TNXB: variants seen among roughly 807,000 people sequenced by gnomAD.
TNXB encodes the protein tenascin-X.
In TNXB, 183 loss-of-function variants were observed where a neutral mutation model predicts 340.5. The ratio of observed to expected loss-of-function variants is 0.54; its 90% CI spans 0.48 to 0.61. The LOEUF is 0.61. Ranked by LOEUF, TNXB falls within the 20% of genes least tolerant of loss-of-function variation. TNXB has a pLI of 0.00. For missense variants in TNXB, 4,613 were observed against 5,446.4 expected, an observed-to-expected ratio of 0.85 and a Z score of 4.82; for synonymous variants, 2,121 against 2,314.5, an observed-to-expected ratio of 0.92 and a Z score of 2.40.
Position 32,062,052 on chromosome 6 carries a change from C to T in TNXB, c.7168+105G>A. The T allele has an allele frequency of 7.2e-7, 1 of 1,384,304 alleles. No homozygotes were observed. The highest frequency in any genetic ancestry group is 9.8e-7 in the Non-Finnish European group (1 of 1,020,276). 85.8% of individuals were successfully genotyped at this position (1,384,304 alleles called of 1,614,324 possible). On this transcript the variant is annotated intron_variant, in intron 20 of 43. Coordinates refer to ENST00000644971, the MANE Select transcript of TNXB (RefSeq NM_001365276.2). This position sits in a 1 kb window ranked among gnomAD's most constrained non-coding sequence, Gnocchi z 4.3. ...GCCCCAGCCCCAGCCACAAGTAGGTCTGTGGTGCTGACCAGACCCGTCCCA... is the reference window on the plus strand; with the variant it reads ...GCCCCAGCCCCAGCCACAAGTAGGTTTGTGGTGCTGACCAGACCCGTCCCA...
In TNXB at chr6:32,049,839, G is replaced by A. The variant is rs532955918; in HGVS notation, c.9439+159C>T. ...CCTCCCTGCTCAGGGGGAGCCAGGG[G>A]TCAACCACATAGGAAGGCCCAAGGG... On this transcript the variant is annotated intron_variant, in intron 27 of 43. Coordinates refer to ENST00000644971, the MANE Select transcript of TNXB (RefSeq NM_001365276.2). This position sits in a 1 kb window ranked among gnomAD's most constrained non-coding sequence, Gnocchi z 4.5. Among the ~76,000 whole-genome samples, 149 of 152,246 alleles carry A rather than the reference G, an allele frequency of 9.8e-4. 2 individuals are homozygous for A. In the South Asian group the frequency reaches 0.029, roughly 29 times the overall value.
rs1776831556 is a variant in TNXB at position 32,045,877 on chromosome 6, G to A, written c.10606+298C>T. The stretch of plus-strand genomic sequence containing the variant: ...TATCTGGACAAGGCCACCCTTCGGG[G>A]AGGCGACAGCAGCCCCAGCGAGTAA... On this transcript the variant is annotated intron_variant, in intron 31 of 43. Transcript: ENST00000644971. 4 of 1,177,304 alleles carry A rather than the reference G, an allele frequency of 3.4e-6. No individual in the cohort carries two copies. The African/African-American group carries it at 6.2e-5, about 18-fold the overall frequency. The allele number at this position is 1,177,304 out of a possible 1,614,324, so 72.9% of individuals were successfully genotyped here.
Position 32,046,314 on chromosome 6 carries a change from C to T in TNXB, c.10467G>A (p.Gln3489=). 1 of 1,606,718 alleles carries T rather than the reference C, an allele frequency of 6.2e-7. No homozygotes were observed. The highest frequency in any genetic ancestry group is 8.5e-7 in the Non-Finnish European group (1 of 1,178,154). The change falls in exon 31 of 44, where the codon CAG becomes CAA. Residue 3489 remains glutamine, a synonymous_variant. Transcript: ENST00000644971. This position sits in a 1 kb window ranked among gnomAD's most constrained non-coding sequence, Gnocchi z 6.9. The part of the protein sequence containing the change: ...FVVQYRDTDG[Q]PRAVPVAADQ... ...CTGCGGCCACAGGCACTGCCCTGGG[C>T]TGCCCGTCCGTGTCCCTGTACTGGA...
chr6:32,086,395 C>T (rs1779776898), intron 6 of TNXB, among the ~76,000 whole-genome samples: 1 of 152,184 alleles, frequency 6.6e-6, no homozygotes, highest in East Asian at 1.9e-4. Flanking sequence ...TGACCTCCAG[C>T]CCCCGGAGAC....
Position 32,074,949 on chromosome 6 carries a change from G to T in TNXB, c.4376-997C>A, listed in dbSNP as rs1239578189. Among the ~76,000 whole-genome samples the T allele has an allele frequency of 6.6e-6, 1 of 152,198 alleles. No homozygotes were observed. Among genetic ancestry groups the T allele is most frequent in the African/African-American group, 2.4e-5 (1 of 41,444 alleles). ...CCCGCCTCGGCCTCCCCAAGTGCTG[G>T]GATTACAGGCATGATCCTCCACGCC... On this transcript the variant is annotated intron_variant, in intron 11 of 43. Transcript: ENST00000644971. This position sits in a 1 kb window ranked among gnomAD's most constrained non-coding sequence, Gnocchi z 5.5.
Position 32,042,289 on chromosome 6 carries a change from T to C in TNXB, c.12284A>G (p.Asn4095Ser), listed in dbSNP as rs1776472502. The C allele has an allele frequency of 7.0e-7, 1 of 1,426,456 alleles. No homozygotes were observed. The highest frequency in any genetic ancestry group is 2.4e-5 in the East Asian group (1 of 42,532). The allele number at this position is 1,426,456 out of a possible 1,614,324, so 88.4% of individuals were successfully genotyped here. A position where few individuals can be genotyped will look rare whatever the true frequency, so the allele number is the denominator to read the frequency against. The change falls in exon 41 of 44, where the codon AAC (asparagine) becomes AGC (serine). Residue 4095 changes from asparagine to serine, a missense_variant. This residue lies in a region of TNXB where 121 missense variants were observed against 177.4 expected (regional missense o/e 0.68). Transcript: ENST00000644971. ...DWEDYAHGFG[N>S]ISGEFWLGNE... The stretch of plus-strand genomic sequence containing the variant: ...ACCCAGCCAGAACTCTCCAGAGATG[T>C]TCCCAAAACCATGGGCATAGTCCTC...
In TNXB at chr6:32,080,035, T is replaced by C. The variant is rs1279693932; in HGVS notation, c.4043-670A>G. On this transcript the variant is annotated intron_variant, in intron 10 of 43. Transcript: ENST00000644971. This position sits in a 1 kb window ranked among gnomAD's most constrained non-coding sequence, Gnocchi z 4.3. ...TGACCTGCTACATGGGGGACTACTTTGGGATAGCAGATTGAGGAAAGAATT... is the reference window on the plus strand; with the variant it reads ...TGACCTGCTACATGGGGGACTACTTCGGGATAGCAGATTGAGGAAAGAATT... Among the ~76,000 whole-genome samples, 3 of 152,070 alleles carry C rather than the reference T, an allele frequency of 2.0e-5. No homozygotes were observed. Among genetic ancestry groups the C allele is most frequent in the Non-Finnish European group, 4.4e-5 (3 of 68,014 alleles).
At position 32,081,737 on chromosome 6, in the gene TNXB, G is replaced by A. The variant is rs1055114964; in HGVS notation, c.3737-64C>T. The A allele has an allele frequency of 2.4e-6, 3 of 1,246,036 alleles. No homozygotes were observed. The highest frequency in any genetic ancestry group is 1.5e-5 in the African/African-American group (1 of 66,200). The allele number at this position is 1,246,036 out of a possible 1,614,324, so 77.2% of individuals were successfully genotyped here. A position where few individuals can be genotyped will look rare whatever the true frequency, so the allele number is the denominator to read the frequency against. ...GCCTGGGACTGGGGCTTGGGGTTTC[G>A]ACGGGATGTCACACCTATGGGGGGT... On this transcript the variant is annotated intron_variant, in intron 9 of 43. Coordinates refer to ENST00000644971, the MANE Select transcript of TNXB (RefSeq NM_001365276.2). The surrounding 1 kb of genome is among the most constrained non-coding windows in gnomAD (Gnocchi z 5.1).
At position 32,108,696 on chromosome 6, in the gene TNXB, C is replaced by T. The variant is rs1781097404; in HGVS notation, c.-9+485G>A. On this transcript the variant is annotated intron_variant, in intron 1 of 43. Transcript: ENST00000644971. This position sits in a 1 kb window ranked among gnomAD's most constrained non-coding sequence, Gnocchi z 4.8. Reference sequence around the variant, plus strand: ...CCCAAAGAAGCACCCTCTGGCACCTCCTGGAGCCTGGAGCCCCCAGAGCCT... The same window carrying T: ...CCCAAAGAAGCACCCTCTGGCACCTTCTGGAGCCTGGAGCCCCCAGAGCCT... 6.6e-6 allele frequency among the ~76,000 whole-genome samples: 1 copy of T among 152,076 alleles called. No homozygotes were observed. The highest frequency in any genetic ancestry group is 1.5e-5 in the Non-Finnish European group (1 of 68,004).
chr6:32,066,522 C>T (rs1460162142), intron 18 of TNXB, among the ~76,000 whole-genome samples: 1 of 152,134 alleles, frequency 6.6e-6, no homozygotes. Flanking sequence ...CAAAAGAATA[C>T]ATATTGTTTG....
Position 32,042,682 on chromosome 6 carries a change from C to A in TNXB, c.12058+17G>T, listed in dbSNP as rs1203434701. ...TGCCCACCCAGCCCCCGGCCCCGGGCCCGTGCGTCCAGGTACCCGTGGTGA... is the reference window on the plus strand; with the variant it reads ...TGCCCACCCAGCCCCCGGCCCCGGGACCGTGCGTCCAGGTACCCGTGGTGA... On this transcript the variant is annotated intron_variant, in intron 39 of 43. Transcript: ENST00000644971. 20 of 1,254,874 alleles carry A rather than the reference C, an allele frequency of 1.6e-5. No individual in the cohort carries two copies. The South Asian group carries it at 2.4e-4, about 15-fold the overall frequency. 77.7% of individuals were successfully genotyped at this position (1,254,874 alleles called of 1,614,324 possible).
Position 32,061,866 on chromosome 6 carries a change from C to G in TNXB, c.7169-146G>C. On this transcript the variant is annotated intron_variant, in intron 20 of 43. Coordinates refer to ENST00000644971, the MANE Select transcript of TNXB (RefSeq NM_001365276.2). The surrounding 1 kb of genome is among the most constrained non-coding windows in gnomAD (Gnocchi z 4.4). Reference sequence around the variant, plus strand: ...GGGACCTGAGGTCAGTTCAGAGAGGCCCATTCTTGGGGTCCTGCTCAGCTG... The same window carrying G: ...GGGACCTGAGGTCAGTTCAGAGAGGGCCATTCTTGGGGTCCTGCTCAGCTG... 8.2e-7 allele frequency: 1 copy of G among 1,224,170 alleles called. No individual in the cohort carries two copies. Among genetic ancestry groups the G allele is most frequent in the East Asian group, 2.5e-5 (1 of 39,410 alleles). 75.8% of individuals were successfully genotyped at this position (1,224,170 alleles called of 1,614,324 possible). A position where few individuals can be genotyped will look rare whatever the true frequency, so the allele number is the denominator to read the frequency against.
rs536054720 is a variant in TNXB at position 32,072,168 on chromosome 6, G to A, written c.4812C>T (p.Phe1604=). The part of the protein sequence containing the change: ...GLSWTVPEGE[F]DSFVVQYKDR... The stretch of plus-strand genomic sequence containing the variant: ...CCTTGTACTGAACCACAAAGGAGTC[G>A]AATTCACCCTCAGGGACTGTCCATG... Residue 1604 remains phenylalanine, a synonymous_variant, in exon 13 of 44, where the codon TTC becomes TTT. Coordinates refer to ENST00000644971, the MANE Select transcript of TNXB (RefSeq NM_001365276.2). This position sits in a 1 kb window ranked among gnomAD's most constrained non-coding sequence, Gnocchi z 4.4. 1.5e-5 allele frequency: 25 copies of A among 1,613,478 alleles called. 1 individual carries two copies. The highest frequency in any genetic ancestry group is 5.3e-5 in the African/African-American group (4 of 75,038).
intron 1 of TNXB, among the ~76,000 whole-genome samples, chr6:32,103,727 C>CTTTTTTTTT (rs28986186): frequency 8.1e-6 from 1 of 123,396 alleles, no homozygotes; most frequent in African/African-American, 3.1e-5. Flanking sequence ...TTCACCGCAT[C>CTTTTTTTTT]TTTTTTTTTT....
rs772962653 is a variant in TNXB, at chr6:32,049,259, C to A, written c.9757+11G>T. ...GTAAACCTGGGGACGAGGGCCTGTC[C>A]CCCCACTCACCCGTGATGCCCACGG... On this transcript the variant is annotated intron_variant, in intron 28 of 43. Transcript: ENST00000644971. The surrounding 1 kb of genome is among the most constrained non-coding windows in gnomAD (Gnocchi z 4.5). 6.2e-6 allele frequency: 10 copies of A among 1,605,352 alleles called. No individual in the cohort carries two copies. The African/African-American group carries it at 1.3e-4, about 21-fold the overall frequency.
rs1488113377 is a variant in TNXB, at chr6:32,081,330, G to C, written c.4042+38C>G. ...CAGCCAAGTCCCGCTCACAGGATGG[G>C]GCTAGCAGGGGAGGGAGGCCTGGCA... On this transcript the variant is annotated intron_variant, in intron 10 of 43. Transcript: ENST00000644971. The surrounding 1 kb of genome is among the most constrained non-coding windows in gnomAD (Gnocchi z 5.1). The C allele has an allele frequency of 6.6e-7, 1 of 1,509,074 alleles. No individual in the cohort carries two copies. Among genetic ancestry groups the C allele is most frequent in the East Asian group, 2.5e-5 (1 of 40,252 alleles). The allele number at this position is 1,509,074 out of a possible 1,614,324, so 93.5% of individuals were successfully genotyped here. A position where few individuals can be genotyped will look rare whatever the true frequency, so the allele number is the denominator to read the frequency against.
Position 32,056,802 on chromosome 6 carries a change from A to C in TNXB, c.7927T>G (p.Ser2643Ala). The C allele has an allele frequency of 6.2e-7, 1 of 1,613,084 alleles. No individual in the cohort carries two copies. The highest frequency in any genetic ancestry group is 1.1e-5 in the South Asian group (1 of 91,076). Residue 2643 changes from serine to alanine, a missense_variant, in exon 23 of 44, where the codon TCC (serine) becomes GCC (alanine). Transcript: ENST00000644971. Reference sequence around the variant, plus strand: ...GGAACCGTCCAGGACAGGCTGAGGGAGTCAGGGGTGGCATCTGTCATGGTC... The same window carrying C: ...GGAACCGTCCAGGACAGGCTGAGGGCGTCAGGGGTGGCATCTGTCATGGTC... Reference protein sequence around the residue: ...ELTMTDATPDSLSLSWTVPEG... With the variant: ...ELTMTDATPDALSLSWTVPEG...
In TNXB at chr6:32,090,357, G is replaced by A. The variant is rs144421522; in HGVS notation, c.2359-978C>T. ...TGATTATGTGTGGTGCCTCCAAAGG[G>A]AATCTACTGGACCCTGCTCCAGGCA... is the stretch of plus-strand genomic sequence containing the variant. On this transcript the variant is annotated intron_variant, in intron 4 of 43. Coordinates refer to ENST00000644971, the MANE Select transcript of TNXB (RefSeq NM_001365276.2). The surrounding 1 kb of genome is among the most constrained non-coding windows in gnomAD (Gnocchi z 4.3). Among the ~76,000 whole-genome samples the A allele has an allele frequency of 6.6e-6, 1 of 152,310 alleles. No individual in the cohort carries two copies. The highest frequency in any genetic ancestry group is 1.9e-4 in the East Asian group (1 of 5,180).
Position 32,081,676 on chromosome 6 carries a change from G to A in TNXB, c.3737-3C>T. On this transcript the variant is annotated splice_region_variant and splice_polypyrimidine_tract_variant and intron_variant, in intron 9 of 43. Coordinates refer to ENST00000644971, the MANE Select transcript of TNXB (RefSeq NM_001365276.2). The surrounding 1 kb of genome is among the most constrained non-coding windows in gnomAD (Gnocchi z 5.1). ...GGGCTCCTCTTTCCTCTCTGGAGCT[G>A]TAAACAAGGAGATCCAGCCAGGTGC... 6.4e-7 allele frequency: 1 copy of A among 1,567,628 alleles called. No individual in the cohort carries two copies. Among genetic ancestry groups the A allele is most frequent in the South Asian group, 1.2e-5 (1 of 85,140 alleles).
Sources: allele counts gnomAD v4.1 joint callset (sites outside exome capture counted in the v4.1 genomes callset), GRCh38; gene constraint gnomAD v4.1.1; regional missense constraint gnomAD v4.1.1; non-coding constraint Gnocchi (gnomAD v3.1); transcripts MANE v1.5; gene names NCBI Gene and HGNC (gene_info 2026-07-23, HGNC 2026-07-21).